The following FSTL5 variants were observed in gnomAD, a reference collection of about 807,000 sequenced individuals.
The protein encoded by FSTL5 is follistatin-related protein 5.
In FSTL5, 62 loss-of-function variants were observed where a neutral mutation model predicts 89.1. The observed-to-expected ratio is 0.70, with a 90% CI of 0.57 to 0.86. The LOEUF is 0.86. Ranked by LOEUF, FSTL5 falls within the 40% of genes least tolerant of loss-of-function variation. FSTL5 has a pLI of 0.00. For synonymous variants in FSTL5, 383 were observed against 346.2 expected (o/e 1.11, Z -1.18); for missense variants, 1,057 against 1,001.6 (o/e 1.06, Z -0.75).
At chr4:161,930,644 A>T (rs1223290101) in intron 3 of FSTL5, among the ~76,000 whole-genome samples, 1 of 151,578 alleles carries the variant, frequency 6.6e-6, no homozygotes, top group Admixed American at 6.6e-5. Context: ...TCACATGATC[A>T]CTCAAGTTCC....
intron 6 of FSTL5, among the ~76,000 whole-genome samples, chr4:161,732,222 T>A (rs754750643): frequency 3.3e-5 from 5 of 152,146 alleles, no homozygotes; most frequent in Non-Finnish European, 7.4e-5. Context: ...TAGCTTATTG[T>A]GGTTTTAATT....
intron 6 of FSTL5, among the ~76,000 whole-genome samples, chr4:161,744,936 A>C (rs1360910667): frequency 2.0e-5 from 3 of 152,048 alleles, no homozygotes; most frequent in Non-Finnish European, 4.4e-5. Context: ...TGTAATACAA[A>C]TTATAAAATT....
At chr4:161,801,530 A>T (rs968348286) in intron 4 of FSTL5, among the ~76,000 whole-genome samples, 6 of 151,478 alleles carry the variant, frequency 4.0e-5, no homozygotes, top group African/African-American at 7.2e-5. Flanking sequence ...CTAATGGGAA[A>T]GCAAAATCCT....
rs534292132 is a variant in FSTL5 at position 161,636,291 on chromosome 4, TG to T, written c.894+20036del. On this transcript the variant is annotated intron_variant, in intron 7 of 15. Coordinates refer to ENST00000306100, the MANE Select transcript of FSTL5 (RefSeq NM_020116.5). ...TGAAACTGTTTCTTTATTTTGAGTT[TG>T]AGTCAAACTGTACCCAAAGGAGCAA... Among the ~76,000 whole-genome samples the T allele has an allele frequency of 2.0e-5, 3 of 152,222 alleles. No individual in the cohort carries two copies. In the South Asian group the frequency reaches 6.2e-4, roughly 32 times the overall value.
rs536745017 is a variant in FSTL5, at chr4:162,104,623, A to C, written c.126+6648T>G. On this transcript the variant is annotated intron_variant, in intron 2 of 15. Coordinates refer to ENST00000306100, the MANE Select transcript of FSTL5 (RefSeq NM_020116.5). ...TAGTGTAACCTGCATTGCCCTGTGGAAACTGGGCTTAACAAAACTAGCCCA... is the reference window on the plus strand; with the variant it reads ...TAGTGTAACCTGCATTGCCCTGTGGCAACTGGGCTTAACAAAACTAGCCCA... Among the ~76,000 whole-genome samples, 16 of 152,328 alleles carry C rather than the reference A, an allele frequency of 1.1e-4. No homozygotes were observed. In the South Asian group the frequency reaches 2.9e-3, roughly 28 times the overall value.
chr4:162,098,791 T>C (rs1217431852), intron 2 of FSTL5, among the ~76,000 whole-genome samples: 1 of 152,046 alleles, frequency 6.6e-6, no homozygotes, highest in Non-Finnish European at 1.5e-5. Context: ...CAACCTATCT[T>C]GGAAAAAGTT....
intron 1 of FSTL5, among the ~76,000 whole-genome samples, chr4:162,127,906 T>A (rs959965069): frequency 6.6e-6 from 1 of 152,158 alleles, no homozygotes. Flanking sequence ...ACACAGCCTA[T>A]AAGTAATTCA....
intron 1 of FSTL5, among the ~76,000 whole-genome samples, chr4:162,112,891 T>C (rs1467139415): frequency 6.6e-6 from 1 of 152,080 alleles, no homozygotes; most frequent in Non-Finnish European, 1.5e-5. Context: ...TGTTGTTGTT[T>C]TGTGGAAGAA....
chr4:162,105,535 C>A (rs987267933), intron 2 of FSTL5, among the ~76,000 whole-genome samples: 1 of 151,872 alleles, frequency 6.6e-6, no homozygotes, highest in East Asian at 1.9e-4. Flanking sequence ...AGTTCTTGCA[C>A]AATCACAAAA....
chr4:161,690,279 A>G (rs1216069805), intron 6 of FSTL5, among the ~76,000 whole-genome samples: 5 of 152,080 alleles, frequency 3.3e-5, no homozygotes, highest in African/African-American at 1.2e-4. Flanking sequence ...TTATGTTTTC[A>G]TCTTGTATTT....
intron 2 of FSTL5, among the ~76,000 whole-genome samples, chr4:162,041,200 G>T (rs917692250): frequency 1.5e-5 from 1 of 68,932 alleles, no homozygotes. Flanking sequence ...AAGATGAGAT[G>T]GTAAAAAAAA....
intron 3 of FSTL5, among the ~76,000 whole-genome samples, chr4:161,977,620 A>AG (rs1429823273): frequency 1.8e-5 from 1 of 55,722 alleles, no homozygotes; most frequent in Non-Finnish European, 3.5e-5. Flanking sequence ...GTCAAAAAAA[A>AG]AAAAAAAAAA....
At chr4:161,460,563 G>C (rs1733526291) in intron 13 of FSTL5, among the ~76,000 whole-genome samples, 1 of 152,044 alleles carries the variant, frequency 6.6e-6, no homozygotes, top group African/African-American at 2.4e-5. Flanking sequence ...TTAGTAACAG[G>C]TAAACTATTG....
At chr4:161,447,457 A>G (rs1732985807) in intron 15 of FSTL5, among the ~76,000 whole-genome samples, 1 of 152,096 alleles carries the variant, frequency 6.6e-6, no homozygotes, top group South Asian at 2.1e-4. Flanking sequence ...CACTTTGGAC[A>G]CAAGACTCCT....
intron 4 of FSTL5, among the ~76,000 whole-genome samples, chr4:161,884,539 C>G (rs963779961): frequency 2.0e-5 from 3 of 152,030 alleles, no homozygotes; most frequent in Non-Finnish European, 4.4e-5. Context: ...ATCTGCAAAA[C>G]AACAATGAAA....
At chr4:161,563,185 C>G (rs1732669444) in intron 8 of FSTL5, among the ~76,000 whole-genome samples, 1 of 151,936 alleles carries the variant, frequency 6.6e-6, no homozygotes, top group Non-Finnish European at 1.5e-5. Context: ...CATTTTACTT[C>G]TCCATTTATC....
chr4:161,478,468 G>A (rs1729377827), intron 13 of FSTL5, among the ~76,000 whole-genome samples: 1 of 152,190 alleles, frequency 6.6e-6, no homozygotes, highest in Non-Finnish European at 1.5e-5. Context: ...ATGGCCAACA[G>A]CATTACAACT....
intron 3 of FSTL5, among the ~76,000 whole-genome samples, chr4:161,924,619 G>A (rs1245750997): frequency 6.6e-6 from 1 of 151,532 alleles, no homozygotes; most frequent in African/African-American, 2.4e-5. Context: ...GACATTTAAG[G>A]GCACAAAGGA....
At chr4:161,461,138 A>G (rs1733555406) in intron 13 of FSTL5, among the ~76,000 whole-genome samples, 1 of 151,728 alleles carries the variant, frequency 6.6e-6, no homozygotes, top group Non-Finnish European at 1.5e-5. Context: ...TTCCAAAGTC[A>G]TTTTGAGGCC....
Sources: allele counts gnomAD v4.1 joint callset (sites outside exome capture counted in the v4.1 genomes callset), GRCh38; gene constraint gnomAD v4.1.1; transcripts MANE v1.5; gene names NCBI Gene and HGNC (gene_info 2026-07-23, HGNC 2026-07-21).